The following PTPRG variants were observed in gnomAD, a reference collection of about 807,000 sequenced individuals.
PTPRG encodes receptor-type tyrosine-protein phosphatase gamma.
PTPRG carries 102 observed loss-of-function variants against 165.3 expected under a neutral mutation model. The ratio of observed to expected loss-of-function variants is 0.62; its 90% CI spans 0.53 to 0.73. The LOEUF (loss-of-function observed/expected upper bound fraction) is 0.73. Among genes scored for constraint, PTPRG ranks in the 30% least tolerant of loss-of-function variants. The probability of loss-of-function intolerance (pLI) is 0.00; values close to 1 mark genes in which losing one functional copy is unlikely to be tolerated. For synonymous variants in PTPRG, 675 were observed against 669.5 expected, an observed-to-expected ratio of 1.01 and a Z score of -0.13; for missense variants, 1,866 against 1,861.4, an observed-to-expected ratio of 1.00 and a Z score of -0.05.
chr3:61,647,556 C>G (rs181273318), intron 1 of PTPRG, among the ~76,000 whole-genome samples: 1 of 151,938 alleles, frequency 6.6e-6, no homozygotes, highest in South Asian at 2.1e-4. Flanking sequence ...TTTGGGAGGC[C>G]GAGGCGGGCG....
intron 1 of PTPRG, among the ~76,000 whole-genome samples, chr3:61,574,787 C>T (rs993557473): frequency 5.3e-5 from 8 of 152,142 alleles, no homozygotes; most frequent in African/African-American, 1.9e-4. Context: ...TGCATCATAA[C>T]ATGGTGGAGA....
intron 6 of PTPRG, among the ~76,000 whole-genome samples, chr3:62,151,108 C>T (rs999660652): frequency 6.6e-6 from 1 of 152,104 alleles, no homozygotes. Flanking sequence ...TTCAGATTTT[C>T]TTTAATTAAA....
intron 1 of PTPRG, among the ~76,000 whole-genome samples, chr3:61,703,456 G>T (rs2031084717): frequency 6.6e-6 from 1 of 152,164 alleles, no homozygotes; most frequent in African/African-American, 2.4e-5. Flanking sequence ...TTCGTAGTAT[G>T]GGCATTAATG....
chr3:61,827,897 G>A (rs1163351765), intron 2 of PTPRG, among the ~76,000 whole-genome samples: 1 of 152,062 alleles, frequency 6.6e-6, no homozygotes, highest in Non-Finnish European at 1.5e-5. Flanking sequence ...TAATAAAATA[G>A]TGCATTAGCT....
chr3:61,592,156 AG>A (rs1298172875), intron 1 of PTPRG, among the ~76,000 whole-genome samples: 3 of 151,952 alleles, frequency 2.0e-5, no homozygotes, highest in South Asian at 4.2e-4. Context: ...TAGTAGAAAC[AG>A]GGTTTCTCCA....
At position 61,731,695 on chromosome 3, in the gene PTPRG, C is replaced by T. The variant is rs116365033; in HGVS notation, c.86-17183C>T. On this transcript the variant is annotated intron_variant, in intron 1 of 29. Coordinates refer to ENST00000474889, the MANE Select transcript of PTPRG (RefSeq NM_002841.4). Reference sequence around the variant, plus strand: ...TGCAGGGCTTTAAAGCCACACATGCCAGACATTCTAGATGGAAATTTCTTT... The same window carrying T: ...TGCAGGGCTTTAAAGCCACACATGCTAGACATTCTAGATGGAAATTTCTTT... Among the ~76,000 whole-genome samples the T allele has an allele frequency of 5.1e-3, 774 of 152,168 alleles. 6 individuals are homozygous for T. Among genetic ancestry groups the T allele is most frequent in the Middle Eastern group, 0.024 (7 of 294 alleles).
At chr3:61,663,253 T>C (rs1349969103) in intron 1 of PTPRG, among the ~76,000 whole-genome samples, 5 of 152,206 alleles carry the variant, frequency 3.3e-5, no homozygotes, top group Admixed American at 6.5e-5. Flanking sequence ...ACTTGGAAGA[T>C]TGTAATCTCC....
intron 6 of PTPRG, 117 bp downstream of exon 6, chr3:62,132,785 T>A: frequency 1.1e-6 from 1 of 929,592 alleles, no homozygotes. Context: ...CATCCCCTGA[T>A]GTTGAAGGGC....
chr3:61,867,969 A>G (rs1016331370), intron 2 of PTPRG, among the ~76,000 whole-genome samples: 1 of 152,182 alleles, frequency 6.6e-6, no homozygotes, highest in Admixed American at 6.5e-5. Context: ...CACCCAGGGC[A>G]TGAGAAGGTG....
intron 1 of PTPRG, among the ~76,000 whole-genome samples, chr3:61,692,967 C>T (rs1482379509): frequency 6.6e-6 from 1 of 152,116 alleles, no homozygotes; most frequent in Non-Finnish European, 1.5e-5. Context: ...ACATTTTCTT[C>T]TTCAGGGTCT....
At chr3:61,888,032 G>A (rs890661240) in intron 2 of PTPRG, among the ~76,000 whole-genome samples, 10 of 152,120 alleles carry the variant, frequency 6.6e-5, no homozygotes, top group Non-Finnish European at 1.0e-4. Context: ...CACAGAAGGC[G>A]CTAAAATAGG....
intron 2 of PTPRG, among the ~76,000 whole-genome samples, chr3:61,932,302 A>G (rs1415929803): frequency 6.6e-6 from 1 of 152,232 alleles, no homozygotes; most frequent in Non-Finnish European, 1.5e-5. Context: ...CAATGTGGGC[A>G]TCGGTGTTGA....
chr3:62,034,997 C>T (rs140917844), intron 4 of PTPRG, among the ~76,000 whole-genome samples: 7 of 152,258 alleles, frequency 4.6e-5, no homozygotes, highest in African/African-American at 1.4e-4. Context: ...GAATATTAAA[C>T]GTTCCAAGGC....
chr3:61,965,657 C>T (rs1299230375), intron 2 of PTPRG, among the ~76,000 whole-genome samples: 39 of 152,214 alleles, frequency 2.6e-4, no homozygotes. Flanking sequence ...TGTGGTCCAA[C>T]TGTGTGTTTA....
chr3:61,935,327 G>T (rs72884128), intron 2 of PTPRG, among the ~76,000 whole-genome samples: 1 of 152,092 alleles, frequency 6.6e-6, no homozygotes, highest in African/African-American at 2.4e-5. Context: ...GTCCTGCTTC[G>T]TGTGCTTTTG....
intron 2 of PTPRG, among the ~76,000 whole-genome samples, chr3:61,767,581 A>G (rs2107004078): frequency 6.6e-6 from 1 of 152,364 alleles, no homozygotes; most frequent in South Asian, 2.1e-4. Context: ...AATTAGGGAA[A>G]GCTAGAATAT....
intron 4 of PTPRG, among the ~76,000 whole-genome samples, chr3:62,022,152 G>A (rs2041710209): frequency 6.6e-6 from 1 of 152,150 alleles, no homozygotes; most frequent in Non-Finnish European, 1.5e-5. Flanking sequence ...CTATGGGCGG[G>A]TACCATTGCT....
At chr3:61,989,006 C>T (rs936253830) in intron 2 of PTPRG, among the ~76,000 whole-genome samples, 39 of 152,042 alleles carry the variant, frequency 2.6e-4, no homozygotes, top group African/African-American at 8.9e-4. Flanking sequence ...TAACTTTATA[C>T]CTGCATTTTC....
rs141013331 is a variant in PTPRG, at chr3:62,127,010, G to A, written c.616-5592G>A. Among the ~76,000 whole-genome samples, 43 of 152,324 alleles carry A rather than the reference G, an allele frequency of 2.8e-4. 2 individuals are homozygous for A. In the East Asian group the frequency reaches 5.6e-3, roughly 20 times the overall value. ...CTAAGACCATTGGCTATACAAGAAG[G>A]AAGGTAATATTTGTGAAGACTAAAA... On this transcript the variant is annotated intron_variant, in intron 5 of 29. Transcript: ENST00000474889.
Sources: allele counts gnomAD v4.1 joint callset (sites outside exome capture counted in the v4.1 genomes callset), GRCh38; gene constraint gnomAD v4.1.1; transcripts MANE v1.5; gene names NCBI Gene and HGNC (gene_info 2026-07-23, HGNC 2026-07-21).